Variants in RGS6 observed in about 807,000 individuals in gnomAD.
RGS6 encodes the protein regulator of G protein signaling 6, also known as regulator of G-protein signaling 6.
In RGS6, 30 loss-of-function variants were observed where a neutral mutation model predicts 78.5. That is an observed-to-expected ratio of 0.38 (90% confidence interval 0.29 to 0.52). RGS6 has a LOEUF of 0.52. Among genes scored for constraint, RGS6 ranks in the 20% least tolerant of loss-of-function variants. The pLI is 0.85. For synonymous variants in RGS6, 206 were observed against 206.0 expected (o/e 1.00, Z 0.00); for missense variants, 495 against 609.7 (o/e 0.81, Z 1.98).
At chr14:72,383,319 T>A (rs940913154) in intron 3 of RGS6, among the ~76,000 whole-genome samples, 2 of 151,360 alleles carry the variant, frequency 1.3e-5, no homozygotes, top group African/African-American at 4.9e-5. Context: ...ATGAACACAT[T>A]TACTTGCAGA....
At chr14:72,011,188 T>G (rs1337997192) in intron 2 of RGS6, among the ~76,000 whole-genome samples, 1 of 152,234 alleles carries the variant, frequency 6.6e-6, no homozygotes, top group Non-Finnish European at 1.5e-5. Flanking sequence ...AATCCCAGGG[T>G]GATCTAATAG....
At chr14:72,051,197 A>G (rs1015633415) in intron 2 of RGS6, among the ~76,000 whole-genome samples, 2 of 152,212 alleles carry the variant, frequency 1.3e-5, no homozygotes, top group Admixed American at 6.5e-5. Context: ...ATTGTTTTCA[A>G]GGAGAGCACT....
At chr14:72,574,432 C>T in the RGS6 span, among the ~76,000 whole-genome samples, 1 of 152,216 alleles carries the variant, frequency 6.6e-6, no homozygotes, top group African/African-American at 2.4e-5. Flanking sequence ...GAGTGTGTCT[C>T]CTCCCAGAAA....
chr14:72,465,856 A>G, intron 7 of RGS6, 34 bp downstream of exon 7: 4 of 1,541,872 alleles, frequency 2.6e-6, no homozygotes, highest in Non-Finnish European at 3.6e-6. Context: ...TACATATAAG[A>G]AGAGAGTAAA....
chr14:72,465,869 C>T, intron 7 of RGS6, 47 bp downstream of exon 7: 1 of 1,437,690 alleles, frequency 7.0e-7, no homozygotes, highest in Non-Finnish European at 9.8e-7. Context: ...AGAGTAAAAT[C>T]ATATCTGCAG....
At chr14:72,506,461 A>G (rs1408519393) in intron 13 of RGS6, among the ~76,000 whole-genome samples, 1 of 152,268 alleles carries the variant, frequency 6.6e-6, no homozygotes, top group South Asian at 2.1e-4. Context: ...TATAACCATA[A>G]GAGACCATTC....
chr14:72,538,430 G>A (rs1026885298), intron 16 of RGS6, among the ~76,000 whole-genome samples: 2 of 152,214 alleles, frequency 1.3e-5, no homozygotes, highest in Non-Finnish European at 2.9e-5. Context: ...TTCTCAGGGG[G>A]TAGGTGAGCT....
Position 71,977,101 on chromosome 14 carries a change from A to C in RGS6, c.84+12226A>C, listed in dbSNP as rs560225308. Among the ~76,000 whole-genome samples, 22 of 117,620 alleles carry C rather than the reference A, an allele frequency of 1.9e-4. 4 individuals carry two copies. The East Asian group carries it at 5.0e-3, about 26-fold the overall frequency. The allele number at this position is 117,620 out of a possible 152,430, so 77.2% of individuals were successfully genotyped here. A position where few individuals can be genotyped will look rare whatever the true frequency, so the allele number is the denominator to read the frequency against. On this transcript the variant is annotated intron_variant, in intron 2 of 17. Coordinates refer to ENST00000553525, the MANE Select transcript of RGS6 (RefSeq NM_001204424.2). ...GTTCATGTCCTTCGTCCACTTTTTG[A>C]TGGGGTGGTTTGTTTTTTTCTTGTA...
At chr14:72,117,942 A>C (rs565260434) in intron 2 of RGS6, among the ~76,000 whole-genome samples, 2 of 152,274 alleles carry the variant, frequency 1.3e-5, no homozygotes, top group East Asian at 3.9e-4. Context: ...TGTGACCCAC[A>C]GGGACCCATG....
At chr14:72,078,608 G>T (rs996032492) in intron 2 of RGS6, among the ~76,000 whole-genome samples, 7 of 152,022 alleles carry the variant, frequency 4.6e-5, no homozygotes, top group African/African-American at 1.4e-4. Context: ...TAGAGACGGG[G>T]TTTCACTATA....
At chr14:72,311,282 T>C (rs1448952927) in intron 2 of RGS6, among the ~76,000 whole-genome samples, 1 of 152,230 alleles carries the variant, frequency 6.6e-6, no homozygotes. Flanking sequence ...AGGCCTTTAA[T>C]AACCTCCATT....
At chr14:71,928,859 A>G (rs934933184), upstream of RGS6, among the ~76,000 whole-genome samples, 14 of 152,246 alleles carry the variant, frequency 9.2e-5, no homozygotes, top group African/African-American at 3.4e-4. Context: ...AGATCAAATC[A>G]TATTTTTAGT....
At chr14:71,973,103 A>T (rs2093911133) in intron 2 of RGS6, among the ~76,000 whole-genome samples, 1 of 152,126 alleles carries the variant, frequency 6.6e-6, no homozygotes, top group African/African-American at 2.4e-5. Flanking sequence ...ACTTTTTGTT[A>T]AGTCTAGTTC....
chr14:72,465,777 G>A lies in RGS6; in HGVS notation c.414G>A (p.Arg138=). 1 of 1,613,750 alleles carries A rather than the reference G, an allele frequency of 6.2e-7. No homozygotes were observed. Residue 138 remains arginine, a synonymous_variant, in exon 7 of 18, where the codon AGG becomes AGA. Transcript: ENST00000553525. The part of the protein sequence containing the change: ...NTDYAIYLCK[R]TMQNKARLEL... ...CCTCAGCCATCTATCTCTGTAAGAGGACAATGCAAAATAAAGCAAGGCTGG... is the reference window on the plus strand; with the variant it reads ...CCTCAGCCATCTATCTCTGTAAGAGAACAATGCAAAATAAAGCAAGGCTGG...
At chr14:71,967,644 TTTG>T (rs142231355) in intron 2 of RGS6, among the ~76,000 whole-genome samples, 3,908 of 152,280 alleles carry the variant, frequency 0.026, 80 homozygotes, top group Non-Finnish European at 0.039. Context: ...CTTTCTCTTG[TTTG>T]TTGTTGTTGT....
chr14:72,605,146 G>T, the RGS6 span, among the ~76,000 whole-genome samples: 1 of 152,184 alleles, frequency 6.6e-6, no homozygotes, highest in Admixed American at 6.5e-5. Context: ...AAGGACCAGC[G>T]GCAGCCATTC....
At chr14:72,296,872 A>G (rs1216486384) in intron 2 of RGS6, among the ~76,000 whole-genome samples, 1 of 152,166 alleles carries the variant, frequency 6.6e-6, no homozygotes, top group Non-Finnish European at 1.5e-5. Context: ...ACAAAGATTT[A>G]TCTTATATTT....
At chr14:72,135,894 G>C (rs1361324160) in intron 2 of RGS6, among the ~76,000 whole-genome samples, 1 of 151,988 alleles carries the variant, frequency 6.6e-6, no homozygotes, top group Non-Finnish European at 1.5e-5. Context: ...GAGAGGAGGA[G>C]GGGAAGGAGG....
chr14:72,105,588 T>C (rs1428282100), intron 2 of RGS6, among the ~76,000 whole-genome samples: 1 of 152,206 alleles, frequency 6.6e-6, no homozygotes, highest in African/African-American at 2.4e-5. Context: ...TGCTTTTTTT[T>C]CTTCCTAGGA....
Sources: gnomAD v4.1 joint callset for allele counts (sites outside exome capture counted in the v4.1 genomes callset) on GRCh38, gnomAD v4.1.1 for gene constraint, MANE v1.5 for transcripts, NCBI Gene and HGNC (gene_info 2026-07-23, HGNC 2026-07-21) for gene names.